Variants in PTPRG observed in about 807,000 individuals in gnomAD.
The protein encoded by PTPRG is receptor-type tyrosine-protein phosphatase gamma.
PTPRG carries 102 observed loss-of-function variants against 165.3 expected under a neutral mutation model. The observed-to-expected ratio is 0.62, with a 90% CI of 0.53 to 0.73. PTPRG has a LOEUF of 0.73. Ranked by LOEUF, PTPRG falls within the 30% of genes least tolerant of loss-of-function variation. The probability of loss-of-function intolerance (pLI) is 0.00; values close to 1 mark genes in which losing one functional copy is unlikely to be tolerated. For missense variants in PTPRG, 1,866 were observed against 1,861.4 expected, an observed-to-expected ratio of 1.00 and a Z score of -0.05; for synonymous variants, 675 against 669.5, an observed-to-expected ratio of 1.01 and a Z score of -0.13.
At chr3:62,000,181 T>C (rs2041136219) in intron 3 of PTPRG, among the ~76,000 whole-genome samples, 1 of 150,484 alleles carries the variant, frequency 6.6e-6, no homozygotes, top group Non-Finnish European at 1.5e-5. Flanking sequence ...CTCAGGACAC[T>C]GAGGCAGGAG....
At chr3:61,725,494 C>T (rs149926144) in intron 1 of PTPRG, among the ~76,000 whole-genome samples, 1 of 152,220 alleles carries the variant, frequency 6.6e-6, no homozygotes, top group African/African-American at 2.4e-5. Context: ...GCCTTTGCAC[C>T]TTTGTCAAAA....
At chr3:61,820,603 GTTTTTTTTTTT>G (rs11329820) in intron 2 of PTPRG, among the ~76,000 whole-genome samples, 2 of 65,732 alleles carry the variant, frequency 3.0e-5, no homozygotes, top group South Asian at 7.1e-4. Flanking sequence ...CTGTGTCTCT[GTTTTTTTTTTT>G]TTTTTTTTTT....
At chr3:61,963,676 G>A (rs180671253) in intron 2 of PTPRG, among the ~76,000 whole-genome samples, 1 of 152,142 alleles carries the variant, frequency 6.6e-6, no homozygotes, top group Admixed American at 6.5e-5. Flanking sequence ...CTTACAACTT[G>A]TATAAGTGGA....
chr3:62,186,383 G>C (rs1407849196), intron 8 of PTPRG, among the ~76,000 whole-genome samples: 8 of 152,008 alleles, frequency 5.3e-5, no homozygotes, highest in Admixed American at 6.6e-5. Flanking sequence ...TAAGGAGCTT[G>C]GTGGTCCCTG....
intron 2 of PTPRG, among the ~76,000 whole-genome samples, chr3:61,827,049 A>G (rs1487374705): frequency 6.6e-6 from 1 of 152,196 alleles, no homozygotes; most frequent in Non-Finnish European, 1.5e-5. Flanking sequence ...GAATGAGGAT[A>G]TAGACGTTTG....
intron 2 of PTPRG, among the ~76,000 whole-genome samples, chr3:61,946,367 C>G (rs1416879697): frequency 6.6e-6 from 1 of 152,092 alleles, no homozygotes; most frequent in Non-Finnish European, 1.5e-5. Context: ...AGGTTTGAAG[C>G]TGGGAACAGA....
At chr3:61,710,476 C>G (rs920972148) in intron 1 of PTPRG, among the ~76,000 whole-genome samples, 5 of 152,268 alleles carry the variant, frequency 3.3e-5, no homozygotes, top group Admixed American at 2.6e-4. Context: ...TTCTCTTAGT[C>G]TCTTGACTAG....
chr3:61,680,637 A>AG (rs142833332), intron 1 of PTPRG, among the ~76,000 whole-genome samples: 1,552 of 150,988 alleles, frequency 0.01, 30 homozygotes, highest in African/African-American at 0.035. Flanking sequence ...TAGGAGATCA[A>AG]GGGGGAAAAA....
chr3:62,227,312 C>T (rs1467467925), intron 13 of PTPRG, among the ~76,000 whole-genome samples: 1 of 152,180 alleles, frequency 6.6e-6, no homozygotes, highest in African/African-American at 2.4e-5. Flanking sequence ...GTGTTTGTCC[C>T]CTTTTCACCC....
chr3:61,726,727 A>G (rs2032273114), intron 1 of PTPRG, among the ~76,000 whole-genome samples: 1 of 152,104 alleles, frequency 6.6e-6, no homozygotes, highest in Admixed American at 6.5e-5. Context: ...CCTTGAGTTT[A>G]TGATTTGTTA....
intron 1 of PTPRG, among the ~76,000 whole-genome samples, chr3:61,747,137 A>T (rs746216464): frequency 2.6e-5 from 4 of 151,852 alleles, no homozygotes; most frequent in Admixed American, 6.6e-5. Context: ...AAAAAACAAA[A>T]CCAAAAGCAG....
intron 2 of PTPRG, among the ~76,000 whole-genome samples, chr3:61,801,992 T>A (rs2035260181): frequency 7.2e-6 from 1 of 139,240 alleles, no homozygotes; most frequent in Non-Finnish European, 1.5e-5. Context: ...ACCATTGCAC[T>A]CCAGCCTGGC....
Position 61,902,487 on chromosome 3 carries a change from T to C in PTPRG, c.191-87138T>C, listed in dbSNP as rs1002708040. 7.9e-5 allele frequency among the ~76,000 whole-genome samples: 12 copies of C among 152,140 alleles called. 1 individual carries two copies. The highest frequency in any genetic ancestry group is 7.9e-4 in the Admixed American group (12 of 15,274). On this transcript the variant is annotated intron_variant, in intron 2 of 29. Coordinates refer to ENST00000474889, the MANE Select transcript of PTPRG (RefSeq NM_002841.4). ...ACGCCCTTGAATGTAAGACCTGCTA[T>C]CTTTTATGTACCCCTAAGGAAGAAA... is the stretch of plus-strand genomic sequence containing the variant.
chr3:61,769,977 T>C (rs998047200), intron 2 of PTPRG: 1 of 152,188 alleles, frequency 6.6e-6, no homozygotes, highest in African/African-American at 2.4e-5. Context: ...AGTAATAGTA[T>C]GGAAGAGTAT....
intron 4 of PTPRG, among the ~76,000 whole-genome samples, chr3:62,015,754 G>C (rs953462595): frequency 6.6e-6 from 1 of 152,152 alleles, no homozygotes; most frequent in Admixed American, 6.5e-5. Flanking sequence ...AGAGAGGATG[G>C]TTGGGTGGGC....
intron 2 of PTPRG, among the ~76,000 whole-genome samples, chr3:61,851,793 A>T (rs1182955584): frequency 6.6e-6 from 1 of 152,202 alleles, no homozygotes; most frequent in Non-Finnish European, 1.5e-5. Context: ...AGCTGCTACA[A>T]TCAGTTTCTT....
chr3:61,814,004 G>A (rs903899489), intron 2 of PTPRG, among the ~76,000 whole-genome samples: 2 of 151,438 alleles, frequency 1.3e-5, no homozygotes, highest in Admixed American at 6.6e-5. Context: ...GGGTTCAAGC[G>A]ATTTTCCTGC....
At chr3:61,861,244 G>A (rs2107403573) in intron 2 of PTPRG, among the ~76,000 whole-genome samples, 1 of 152,256 alleles carries the variant, frequency 6.6e-6, no homozygotes, top group African/African-American at 2.4e-5. Context: ...GGTGTAAAGG[G>A]AGGTCGTTTG....
intron 5 of PTPRG, among the ~76,000 whole-genome samples, chr3:62,125,402 CT>C (rs1409711361): frequency 6.6e-6 from 1 of 152,160 alleles, no homozygotes; most frequent in Non-Finnish European, 1.5e-5. Context: ...TGGAGTGCCC[CT>C]GAGTAGCTTT....
Sources: gnomAD v4.1 joint callset for allele counts (sites outside exome capture counted in the v4.1 genomes callset) on GRCh38, gnomAD v4.1.1 for gene constraint, MANE v1.5 for transcripts, NCBI Gene and HGNC (gene_info 2026-07-23, HGNC 2026-07-21) for gene names.